The following ADGRG6 variants were observed in gnomAD, a reference collection of about 807,000 sequenced individuals.
ADGRG6 encodes the protein adhesion G protein-coupled receptor G6, also known as G-protein coupled receptor 126.
ADGRG6 carries 84 observed loss-of-function variants against 142.4 expected under a neutral mutation model. The ratio of observed to expected loss-of-function variants is 0.59; its 90% confidence interval spans 0.49 to 0.71. The LOEUF (loss-of-function observed/expected upper bound fraction) is 0.71. ADGRG6 is among the 30% of genes least tolerant of loss of function. ADGRG6 has a pLI of 0.00. For missense variants in ADGRG6, 1,367 were observed against 1,466.6 expected (o/e 0.93, Z 1.11); for synonymous variants, 521 against 520.5 (o/e 1.00, Z -0.01).
intron 3 of ADGRG6, among the ~76,000 whole-genome samples, chr6:142,369,653 G>C (rs1351509890): frequency 6.6e-6 from 1 of 151,994 alleles, no homozygotes; most frequent in Non-Finnish European, 1.5e-5. Flanking sequence ...GCCTGATGAT[G>C]GTGGAAAAAA....
chr6:142,370,709 G>A lies in ADGRG6; in HGVS notation c.985G>A (p.Val329Met), dbSNP rs781277784. Residue 329 changes from valine (V) to methionine (M), a missense_variant, in exon 4 of 25, where the codon GTG becomes ATG. Val to Met is a conservative substitution (Grantham distance 21). Around this residue, in one of 3 missense-constraint regions of ADGRG6, gnomAD observed 737 missense variants for 746.5 expected, o/e 0.99. Coordinates refer to ENST00000367609, the MANE Select transcript of ADGRG6 (RefSeq NM_198569.3). The stretch of plus-strand genomic sequence containing the variant: ...AATCCTCTCCAACCTCAGCTGTAAT[G>A]TGAAAGGGAATGTAGTCGACTGGCA... The part of the protein sequence containing the change: ...AKILSNLSCN[V>M]KGNVVDWQND... 1 of 1,613,602 alleles carries A rather than the reference G, an allele frequency of 6.2e-7. No homozygotes were observed. Among genetic ancestry groups the A allele is most frequent in the South Asian group, 1.1e-5 (1 of 91,072 alleles).
At chr6:142,414,503 A>C (rs1343412553) in intron 18 of ADGRG6, among the ~76,000 whole-genome samples, 8 of 152,226 alleles carry the variant, frequency 5.3e-5, no homozygotes, top group African/African-American at 1.9e-4. Context: ...CAGCACCAGC[A>C]CCAGCCTCTG....
At chr6:142,395,119 A>G (rs1775106150) in intron 9 of ADGRG6, among the ~76,000 whole-genome samples, 5 of 152,140 alleles carry the variant, frequency 3.3e-5, no homozygotes, top group Admixed American at 1.3e-4. Flanking sequence ...TTTGAAAGTT[A>G]TATTGAAAGA....
intron 2 of ADGRG6, among the ~76,000 whole-genome samples, chr6:142,312,339 C>G (rs1039909597): frequency 3.3e-5 from 5 of 151,978 alleles, no homozygotes; most frequent in Admixed American, 6.6e-5. Context: ...ATTTATATTT[C>G]ATGGGACACT....
At chr6:142,314,971 A>AGTGTGTGTGTGTGT (rs58848776) in intron 2 of ADGRG6, among the ~76,000 whole-genome samples, 6,548 of 144,942 alleles carry the variant, frequency 0.045, 224 homozygotes, top group African/African-American at 0.085. Flanking sequence ...CCAATCATGG[A>AGTGTGTGTGTGTGT]GTGTGTGTGT....
chr6:142,411,388 T>C lies in ADGRG6; in HGVS notation c.2518T>C (p.Phe840Leu). The C allele has an allele frequency of 6.3e-7, 1 of 1,591,742 alleles. No individual in the cohort carries two copies. The highest frequency in any genetic ancestry group is 8.6e-7 in the Non-Finnish European group (1 of 1,159,704). ...TGAGACAGTCTGCCTGTGTAACCAC[T>C]TCACACACTTTGGAGTTCTGATGGT... ...ASETVCLCNH[F>L]THFGVLMDLP... Residue 840 changes from phenylalanine (F) to leucine (L), a missense_variant, in exon 18 of 25, where the codon TTC becomes CTC. Transcript: ENST00000367609.
At position 142,302,456 on chromosome 6, in the gene ADGRG6, G is replaced by A. The variant is rs918060628; in HGVS notation, c.2+125G>A. ...TTATAAGGACTTCAACTGCACGGAG[G>A]GAATAAACCGGTTTGTCTTCAGTTT... On this transcript the variant is annotated intron_variant, in intron 1 of 24. Transcript: ENST00000367609. 4.1e-6 allele frequency: 4 copies of A among 984,686 alleles called. No individual in the cohort carries two copies. In the African/African-American group the frequency reaches 4.9e-5, roughly 12 times the overall value. The allele number at this position is 984,686 out of a possible 1,614,324, so 61.0% of individuals were successfully genotyped here.
chr6:142,391,107 T>G (rs1290915361), intron 7 of ADGRG6, among the ~76,000 whole-genome samples: 1 of 151,802 alleles, frequency 6.6e-6, no homozygotes, highest in Non-Finnish European at 1.5e-5. Flanking sequence ...TTTTGTAGTT[T>G]TCAATTTAAA....
rs570296012 is a variant in ADGRG6 at position 142,388,372 on chromosome 6, A to C, written c.1223-1886A>C. On this transcript the variant is annotated intron_variant, in intron 6 of 24. Coordinates refer to ENST00000367609, the MANE Select transcript of ADGRG6 (RefSeq NM_198569.3). The stretch of plus-strand genomic sequence containing the variant: ...GCAATATTTTCCTTAGAGGGAACAA[A>C]TACTACTGTTATAACAAAAGCATGC... Among the ~76,000 whole-genome samples, 5 of 152,266 alleles carry C rather than the reference A, an allele frequency of 3.3e-5. No homozygotes were observed. The South Asian group carries it at 8.3e-4, about 25-fold the overall frequency.
intron 2 of ADGRG6, among the ~76,000 whole-genome samples, chr6:142,352,288 A>G (rs1780223802): frequency 6.6e-6 from 1 of 152,236 alleles, no homozygotes; most frequent in South Asian, 2.1e-4. Flanking sequence ...GCAGCTATAA[A>G]GAGAATGAAA....
intron 2 of ADGRG6, among the ~76,000 whole-genome samples, chr6:142,311,874 A>G (rs1370972733): frequency 6.6e-6 from 1 of 151,922 alleles, no homozygotes; most frequent in Non-Finnish European, 1.5e-5. Flanking sequence ...CCTCAAATCT[A>G]CTTCTCTTTT....
intron 2 of ADGRG6, among the ~76,000 whole-genome samples, chr6:142,360,452 A>G (rs1780657213): frequency 6.6e-6 from 1 of 152,168 alleles, no homozygotes; most frequent in Non-Finnish European, 1.5e-5. Context: ...GTTGCAACCA[A>G]CAGAAATCGA....
intron 24 of ADGRG6, chr6:142,441,090 AT>A: frequency 1.8e-6 from 1 of 549,306 alleles, no homozygotes; most frequent in South Asian, 2.6e-5. Flanking sequence ...ACATTCCTGC[AT>A]TGAGCTGGAA....
Position 142,342,710 on chromosome 6 carries a change from A to T in ADGRG6, c.104-24859A>T, listed in dbSNP as rs557287931. On this transcript the variant is annotated intron_variant, in intron 2 of 24. Transcript: ENST00000367609. Reference sequence around the variant, plus strand: ...AGATATTTAAAAAATTACCAAAAGTACGTAACAAAGCCAATCACACAGTTG... The same window carrying T: ...AGATATTTAAAAAATTACCAAAAGTTCGTAACAAAGCCAATCACACAGTTG... Among the ~76,000 whole-genome samples the T allele has an allele frequency of 2.0e-5, 3 of 152,244 alleles. No individual in the cohort carries two copies. In the East Asian group the frequency reaches 5.8e-4, roughly 29 times the overall value.
chr6:142,386,426 T>C (rs1271855991), intron 6 of ADGRG6, among the ~76,000 whole-genome samples: 1 of 152,242 alleles, frequency 6.6e-6, no homozygotes, highest in African/African-American at 2.4e-5. Context: ...ATATGAGCTG[T>C]ACATACATTT....
intron 16 of ADGRG6, among the ~76,000 whole-genome samples, chr6:142,408,671 G>A (rs1455049706): frequency 6.6e-6 from 1 of 152,130 alleles, no homozygotes; most frequent in Non-Finnish European, 1.5e-5. Flanking sequence ...ACAGGGGAGG[G>A]TGGACTTATT....
chr6:142,415,785 TCA>T lies in ADGRG6; in HGVS notation c.2670-10_2670-9del, dbSNP rs1460320808. The T allele has an allele frequency of 1.3e-6, 2 of 1,599,904 alleles. No individual in the cohort carries two copies. Among genetic ancestry groups the T allele is most frequent in the Non-Finnish European group, 1.7e-6 (2 of 1,168,634 alleles). On this transcript the variant is annotated splice_polypyrimidine_tract_variant and intron_variant, in intron 19 of 24. Coordinates refer to ENST00000367609, the MANE Select transcript of ADGRG6 (RefSeq NM_198569.3). ...TTAGTTCTCTCATAGATTCCTTTTT[TCA>T]TTTTTTAGGAAATTGCGAAGGGATT...
intron 4 of ADGRG6, among the ~76,000 whole-genome samples, chr6:142,380,756 G>A (rs980429025): frequency 7.2e-5 from 11 of 151,956 alleles, no homozygotes; most frequent in Non-Finnish European, 1.3e-4. Context: ...TCCTCCTTTG[G>A]GCCACTGCCA....
intron 2 of ADGRG6, among the ~76,000 whole-genome samples, chr6:142,364,975 C>G (rs985472824): frequency 6.6e-6 from 1 of 152,122 alleles, no homozygotes; most frequent in African/African-American, 2.4e-5. Context: ...TAACTTGGGT[C>G]TTGGATATAA....
Sources: gnomAD v4.1 joint callset for allele counts (sites outside exome capture counted in the v4.1 genomes callset) on GRCh38, gnomAD v4.1.1 for gene constraint, gnomAD v4.1.1 regional missense constraint, MANE v1.5 for transcripts, NCBI Gene and HGNC (gene_info 2026-07-23, HGNC 2026-07-21) for gene names.